The following MYO1H variants were observed in gnomAD, a reference collection of about 807,000 sequenced individuals.
The protein encoded by MYO1H is unconventional myosin-Ih.
MYO1H carries 118 observed loss-of-function variants against 149.3 expected under a neutral mutation model. That is an observed-to-expected ratio of 0.79 (90% confidence interval 0.68 to 0.92). The LOEUF (loss-of-function observed/expected upper bound fraction) is 0.92. Ranked by LOEUF, MYO1H falls within the 40% of genes least tolerant of loss-of-function variation. MYO1H has a pLI of 0.00. For synonymous variants in MYO1H, 447 were observed against 465.2 expected (o/e 0.96, Z 0.50); for missense variants, 1,212 against 1,280.7 (o/e 0.95, Z 0.82).
At chr12:109,410,141 AT>A (rs61109384) in intron 12 of MYO1H, 73 bp downstream of exon 12, 44,385 of 721,942 alleles carry the variant, frequency 0.061, 1,605 homozygotes, top group South Asian at 0.11. Flanking sequence ...AATTTAATTA[AT>A]TTTTTTTTTA....
At chr12:109,397,692 G>T in intron 4 of MYO1H, 40 bp from the exon 5 acceptor site, 1 of 1,539,630 alleles carries the variant, frequency 6.5e-7, no homozygotes, top group East Asian at 2.3e-5. Context: ...GATACGCATG[G>T]TGAGCTTAAA....
intron 27 of MYO1H, among the ~76,000 whole-genome samples, chr12:109,442,795 CT>C (rs747073389): frequency 1.9e-3 from 182 of 94,028 alleles, no homozygotes; most frequent in South Asian, 4.1e-3. Context: ...AGTGTCTGCT[CT>C]TTTTTTTTTT....
chr12:109,421,135 G>A (rs1455997564), intron 16 of MYO1H, 108 bp downstream of exon 16: 10 of 678,168 alleles, frequency 1.5e-5, no homozygotes, highest in East Asian at 8.1e-5. Flanking sequence ...TCCATGCATC[G>A]TATTAGAACT....
chr12:109,439,354 C>T (rs1872008571), intron 23 of MYO1H, among the ~76,000 whole-genome samples: 1 of 152,206 alleles, frequency 6.6e-6, no homozygotes, highest in African/African-American at 2.4e-5. Context: ...GCTGGGATTA[C>T]AGGCATGAGC....
chr12:109,338,765 CAAA>C, the MYO1H span, among the ~76,000 whole-genome samples: 59 of 87,316 alleles, frequency 6.8e-4, no homozygotes, highest in South Asian at 4.9e-3. Flanking sequence ...GACTCCATCT[CAAA>C]AAAAAAAAAA....
intron 6 of MYO1H, among the ~76,000 whole-genome samples, chr12:109,401,640 C>T (rs78795141): frequency 0.032 from 4,878 of 152,188 alleles, 268 homozygotes; most frequent in African/African-American, 0.11. Context: ...GGTGATTTAG[C>T]GTACAGCCAA....
chr12:109,312,198 TCA>T, the MYO1H span, among the ~76,000 whole-genome samples: 12,479 of 142,060 alleles, frequency 0.088, 657 homozygotes, highest in African/African-American at 0.15. Context: ...ATCAAGAAGT[TCA>T]GTTTTTTTTT....
chr12:109,343,379 T>C (rs1365737331), upstream of MYO1H, among the ~76,000 whole-genome samples: 1 of 152,252 alleles, frequency 6.6e-6, no homozygotes, highest in Non-Finnish European at 1.5e-5. Flanking sequence ...ATGTCCATTA[T>C]TATAACTCAA....
intron 4 of MYO1H, 114 bp downstream of exon 4, chr12:109,396,696 C>A: frequency 2.4e-6 from 2 of 846,558 alleles, no homozygotes; most frequent in Non-Finnish European, 3.5e-6. Flanking sequence ...GAAAAGAGGT[C>A]ACACAGATAG....
chr12:109,336,720 G>T, the MYO1H span, among the ~76,000 whole-genome samples: 1 of 152,172 alleles, frequency 6.6e-6, no homozygotes. Flanking sequence ...ATCCACTCTG[G>T]TTAAGAGGTG....
intron 1 of MYO1H, among the ~76,000 whole-genome samples, chr12:109,356,864 A>G (rs1053941356): frequency 2.0e-5 from 3 of 152,240 alleles, no homozygotes; most frequent in African/African-American, 7.2e-5. Context: ...TCAACTGTAG[A>G]GCTGTCAGTG....
At chr12:109,404,407 G>A (rs1045550110) in intron 7 of MYO1H, among the ~76,000 whole-genome samples, 7 of 152,154 alleles carry the variant, frequency 4.6e-5, no homozygotes, top group African/African-American at 1.4e-4. Context: ...GCTTGAATCC[G>A]GGAGATGGAG....
chr12:109,440,690 G>A, intron 24 of MYO1H, 54 bp from the exon 25 acceptor site: 1 of 1,315,880 alleles, frequency 7.6e-7, no homozygotes, highest in Non-Finnish European at 1.1e-6. Flanking sequence ...GATCGCCACA[G>A]CCCCAGACAG....
At chr12:109,429,512 G>A (rs910073370) in intron 19 of MYO1H, among the ~76,000 whole-genome samples, 1 of 152,146 alleles carries the variant, frequency 6.6e-6, no homozygotes, top group African/African-American at 2.4e-5. Flanking sequence ...CATAGTATTA[G>A]GTATAATAAG....
chr12:109,330,077 T>C, the MYO1H span, among the ~76,000 whole-genome samples: 1 of 152,158 alleles, frequency 6.6e-6, no homozygotes, highest in Admixed American at 6.6e-5. Context: ...GAAATCTCAA[T>C]CAAATCGGGA....
At chr12:109,447,389 C>T (rs1872529862) in exon 32 of MYO1H, 1 of 614,552 alleles carries the variant, frequency 1.6e-6, no homozygotes, top group Non-Finnish European at 2.9e-6. Context: ...TTTAAAATGT[C>T]ACCTTCTGGA....
At chr12:109,349,658 C>CAAA (rs398021025) in intron 1 of MYO1H, among the ~76,000 whole-genome samples, 1 of 120,406 alleles carries the variant, frequency 8.3e-6, no homozygotes, top group Non-Finnish European at 1.7e-5. Flanking sequence ...AACCCTGTCT[C>CAAA]AAAAAAAAAA....
At chr12:109,341,188 C>CAA in the MYO1H span, among the ~76,000 whole-genome samples, 27,606 of 80,788 alleles carry the variant, frequency 0.34, 5,010 homozygotes, top group Middle Eastern at 0.52. Context: ...GACTCCATCT[C>CAA]GAAAAAAAAA....
intron 5 of MYO1H, among the ~76,000 whole-genome samples, chr12:109,400,098 G>A (rs1428599747): frequency 3.3e-5 from 5 of 152,158 alleles, no homozygotes; most frequent in African/African-American, 1.2e-4. Context: ...GTATCTGTCA[G>A]ATTCATCCAT....
Sources: allele counts gnomAD v4.1 joint callset (sites outside exome capture counted in the v4.1 genomes callset), GRCh38; gene constraint gnomAD v4.1.1; transcripts MANE v1.5; gene names NCBI Gene and HGNC (gene_info 2026-07-23, HGNC 2026-07-21).